The following TMEM33 variants were observed in gnomAD, a reference collection of about 807,000 sequenced individuals.
TMEM33 encodes the protein transmembrane protein 33.
Under a neutral mutation model 29.7 loss-of-function variants are expected in TMEM33, and 16 were observed. That is an observed-to-expected ratio of 0.54 (90% CI 0.36 to 0.82). TMEM33 has a LOEUF of 0.82. TMEM33 is among the 40% of genes least tolerant of loss of function. The probability of loss-of-function intolerance (pLI) is 0.00; values close to 1 mark genes in which losing one functional copy is unlikely to be tolerated. For synonymous variants in TMEM33, 112 were observed against 109.4 expected (o/e 1.02, Z -0.15); for missense variants, 252 against 295.3 (o/e 0.85, Z 1.08).
At chr4:41,944,067 A>T in intron 4 of TMEM33, 1 of 441,576 alleles carries the variant, frequency 2.3e-6, no homozygotes, top group South Asian at 3.0e-5. Flanking sequence ...TCAAGTTTGA[A>T]ATAGATCAGT....
At position 41,953,436 on chromosome 4, in the gene TMEM33, ATC is replaced by A. The variant is rs557804341; in HGVS notation, c.615-633_615-632del. 3.0e-4 allele frequency among the ~76,000 whole-genome samples: 45 copies of A among 152,340 alleles called. No individual in the cohort carries two copies. The South Asian group carries it at 9.1e-3, about 31-fold the overall frequency. Reference sequence around the variant, plus strand: ...AGGCTGTTCTGCTTTCTTATCATTCATCCGTTCACAGAAATGGGCTTTTAATT... The same window carrying A: ...AGGCTGTTCTGCTTTCTTATCATTCACGTTCACAGAAATGGGCTTTTAATT... On this transcript the variant is annotated intron_variant, in intron 6 of 6. Transcript: ENST00000504986.
At chr4:41,939,471 A>G in intron 3 of TMEM33, 88 bp downstream of exon 3, 4 of 1,413,016 alleles carry the variant, frequency 2.8e-6, no homozygotes, top group South Asian at 1.3e-5. Context: ...AAGGCATTCC[A>G]TGAAGCCTGG....
At chr4:41,945,679 A>T (rs1019306565) in intron 5 of TMEM33, among the ~76,000 whole-genome samples, 2 of 152,060 alleles carry the variant, frequency 1.3e-5, no homozygotes, top group African/African-American at 2.4e-5. Context: ...TACATCAAAG[A>T]TGTTATTCTG....
chr4:41,938,821 G>A (rs1209712224), intron 2 of TMEM33, 125 bp downstream of exon 2: 4 of 825,454 alleles, frequency 4.8e-6, no homozygotes, highest in Non-Finnish European at 7.9e-6. Context: ...ACAAGTTCCA[G>A]CCTTCAGGTA....
intron 2 of TMEM33, among the ~76,000 whole-genome samples, chr4:41,938,959 T>C (rs1322801361): frequency 6.6e-6 from 1 of 152,254 alleles, no homozygotes; most frequent in Non-Finnish European, 1.5e-5. Context: ...TCATTTTTAC[T>C]TATTACTTGA....
At chr4:41,936,148 A>G (rs1340321998) in intron 1 of TMEM33, among the ~76,000 whole-genome samples, 1 of 152,238 alleles carries the variant, frequency 6.6e-6, no homozygotes, top group Non-Finnish European at 1.5e-5. Context: ...CAATGCAGTT[A>G]CCACATTTGG....
At chr4:41,952,157 A>G (rs16853799) in intron 6 of TMEM33, among the ~76,000 whole-genome samples, 30,187 of 152,082 alleles carry the variant, frequency 0.2, 4,638 homozygotes, top group African/African-American at 0.43. Context: ...AAAAGAGTAA[A>G]TTAAAGACCC....
intron 6 of TMEM33, among the ~76,000 whole-genome samples, chr4:41,952,443 A>G (rs1461214428): frequency 6.6e-6 from 1 of 152,180 alleles, no homozygotes. Context: ...GGTTAAAATT[A>G]CCCTTGATGA....
intron 1 of TMEM33, among the ~76,000 whole-genome samples, chr4:41,936,347 C>A (rs757908963): frequency 1.2e-4 from 18 of 152,128 alleles, no homozygotes; most frequent in Non-Finnish European, 2.4e-4. Context: ...TAGAGACCAG[C>A]CTTGGAAACA....
chr4:41,940,406 A>G (rs1469822098), intron 3 of TMEM33, among the ~76,000 whole-genome samples: 3 of 152,106 alleles, frequency 2.0e-5, no homozygotes, highest in African/African-American at 7.2e-5. Flanking sequence ...AATATTACCT[A>G]TTTAGATACC....
chr4:41,960,476 A>AT lies in TMEM33; in HGVS notation c.*6279dup, dbSNP rs1402656150. On this transcript the variant is annotated 3_prime_UTR_variant, in exon 7 of 7. Coordinates refer to ENST00000504986, the MANE Select transcript of TMEM33 (RefSeq NM_018126.3). ...TAATATTTATTTCAATGCAAATTCA[A>AT]TTGTTCCTTCATCTGTATTGTTATA... 1.3e-5 allele frequency: 2 copies of AT among 152,206 alleles called. No homozygotes were observed. The highest frequency in any genetic ancestry group is 2.9e-5 in the Non-Finnish European group (2 of 68,020). 9.4% of individuals were successfully genotyped at this position (152,206 alleles called of 1,614,324 possible).
chr4:41,949,507 GTAA>G (rs1451443146), intron 6 of TMEM33, 122 bp downstream of exon 6: 2 of 760,204 alleles, frequency 2.6e-6, no homozygotes, highest in Non-Finnish European at 4.1e-6. Context: ...CAGTGTTTTT[GTAA>G]ATTTAAGTTC....
intron 5 of TMEM33, 35 bp from the exon 6 acceptor site, chr4:41,949,267 T>C (rs115391890): frequency 4.8e-6 from 7 of 1,455,654 alleles, no homozygotes; most frequent in Admixed American, 1.9e-5. Flanking sequence ...TGAATTGAAA[T>C]GTATATTTAT....
chr4:41,936,767 CT>C (rs1253976207), intron 1 of TMEM33, among the ~76,000 whole-genome samples: 1 of 152,112 alleles, frequency 6.6e-6, no homozygotes, highest in East Asian at 1.9e-4. Flanking sequence ...CTCTCCTCCC[CT>C]TTTTTGTCTT....
rs770477520 is a variant in TMEM33, at chr4:41,938,709, C to T, written c.140+13C>T. 6.2e-7 allele frequency: 1 copy of T among 1,612,314 alleles called. No homozygotes were observed. Among genetic ancestry groups the T allele is most frequent in the East Asian group, 2.2e-5 (1 of 44,854 alleles). On this transcript the variant is annotated intron_variant, in intron 2 of 6. Coordinates refer to ENST00000504986, the MANE Select transcript of TMEM33 (RefSeq NM_018126.3). The stretch of plus-strand genomic sequence containing the variant: ...TGCCTCTTCTTGGGTATGTATTATA[C>T]ATATTGCTGCCTTTGATATTCAATT...
At chr4:41,953,058 C>A (rs1178515069) in intron 6 of TMEM33, among the ~76,000 whole-genome samples, 1 of 151,820 alleles carries the variant, frequency 6.6e-6, no homozygotes. Flanking sequence ...AAAATTTAAT[C>A]TGAGGTTTTA....
chr4:41,944,920 T>C lies in TMEM33; in HGVS notation c.524T>C (p.Leu175Pro). The change falls in exon 5 of 7, where the codon CTT becomes CCT. Residue 175 changes from leucine to proline, a missense_variant. Transcript: ENST00000504986. ...IFLMPATVFM[L>P]FSGQGSLLQP... Reference sequence around the variant, plus strand: ...CTGATGCCTGCGACAGTTTTTATGCTTTTTAGGTAAGGAAAAATTATATTT... The same window carrying C: ...CTGATGCCTGCGACAGTTTTTATGCCTTTTAGGTAAGGAAAAATTATATTT... 1.2e-6 allele frequency: 2 copies of C among 1,608,814 alleles called. No homozygotes were observed. The highest frequency in any genetic ancestry group is 2.2e-5 in the East Asian group (1 of 44,756).
Position 41,955,187 on chromosome 4 carries a change from A to T in TMEM33, c.*988A>T, listed in dbSNP as rs1257757013. On this transcript the variant is annotated 3_prime_UTR_variant, in exon 7 of 7. Transcript: ENST00000504986. ...TATACTGTAGATTACATGTTTACCCATCAAATCTGACTTAAAAGGTTAAAT... is the reference window on the plus strand; with the variant it reads ...TATACTGTAGATTACATGTTTACCCTTCAAATCTGACTTAAAAGGTTAAAT... The T allele has an allele frequency of 6.6e-6, 1 of 152,606 alleles. No homozygotes were observed. Among genetic ancestry groups the T allele is most frequent in the Non-Finnish European group, 1.5e-5 (1 of 68,030 alleles). 9.5% of individuals were successfully genotyped at this position (152,606 alleles called of 1,614,324 possible). A position where few individuals can be genotyped will look rare whatever the true frequency, so the allele number is the denominator to read the frequency against.
Position 41,944,940 on chromosome 4 carries a change from A to G in TMEM33, c.530+14A>G, listed in dbSNP as rs1048608017. The G allele has an allele frequency of 4.4e-6, 7 of 1,607,086 alleles. No homozygotes were observed. The highest frequency in any genetic ancestry group is 4.0e-5 in the African/African-American group (3 of 74,334). The stretch of plus-strand genomic sequence containing the variant: ...TATGCTTTTTAGGTAAGGAAAAATT[A>G]TATTTGTTTTGGGAGGCTGATGACT... On this transcript the variant is annotated intron_variant, in intron 5 of 6. Coordinates refer to ENST00000504986, the MANE Select transcript of TMEM33 (RefSeq NM_018126.3).
Sources: allele counts gnomAD v4.1 joint callset (sites outside exome capture counted in the v4.1 genomes callset), GRCh38; gene constraint gnomAD v4.1.1; transcripts MANE v1.5; gene names NCBI Gene and HGNC (gene_info 2026-07-23, HGNC 2026-07-21).